SLC12A9: variants seen among roughly 807,000 people sequenced by gnomAD.
The protein encoded by SLC12A9 is solute carrier family 12 member 9.
A neutral mutation model predicts 66.0 loss-of-function variants in SLC12A9; 55 were observed. The observed-to-expected ratio is 0.83, with a 90% confidence interval of 0.67 to 1.04. The LOEUF (loss-of-function observed/expected upper bound fraction) is 1.04. SLC12A9 is among the 50% of genes least tolerant of loss of function. SLC12A9 has a pLI of 0.00. For missense variants in SLC12A9, 1,061 were observed against 1,241.9 expected, an observed-to-expected ratio of 0.85 and a Z score of 2.19; for synonymous variants, 577 against 569.0, an observed-to-expected ratio of 1.01 and a Z score of -0.20.
Position 100,862,828 on chromosome 7 carries a change from G to A in SLC12A9, c.1858+1G>A. ...CATCTGCTGCGAATCTCCGGCCTCG[G>A]TGAGCTGCTTCTCCCTGGATGCCCT... On this transcript the variant is annotated splice_donor_variant, in intron 13 of 13. Transcript: ENST00000354161. LOFTEE classifies it high-confidence loss of function. 6.2e-7 allele frequency: 1 copy of A among 1,614,022 alleles called. No homozygotes were observed. Among genetic ancestry groups the A allele is most frequent in the Non-Finnish European group, 8.5e-7 (1 of 1,180,020 alleles).
intron 1 of SLC12A9, among the ~76,000 whole-genome samples, chr7:100,835,036 C>CA (rs902417082): frequency 4.6e-5 from 7 of 151,498 alleles, no homozygotes; most frequent in African/African-American, 7.3e-5. Context: ...CCCGTTTCAA[C>CA]AAAAAAAATT....
upstream of SLC12A9, among the ~76,000 whole-genome samples, chr7:100,848,499 A>AAAAT (rs56099726): frequency 0.28 from 40,851 of 145,508 alleles, 6,189 homozygotes; most frequent in East Asian, 0.49. Flanking sequence ...CCAAGTCTCA[A>AAAAT]AAATAAATAA....
intron 1 of SLC12A9, among the ~76,000 whole-genome samples, chr7:100,845,066 C>T (rs1275936206): frequency 6.6e-6 from 1 of 151,952 alleles, no homozygotes; most frequent in Non-Finnish European, 1.5e-5. Context: ...TCACCCTGAT[C>T]ACTTCTAGGT....
At chr7:100,830,176 A>AC (rs1192935083) in intron 1 of SLC12A9, among the ~76,000 whole-genome samples, 2 of 152,088 alleles carry the variant, frequency 1.3e-5, no homozygotes, top group East Asian at 1.9e-4. Flanking sequence ...ACATAGTGAA[A>AC]CCCCTTCTCT....
rs1205425318 is a variant in SLC12A9 at position 100,854,186 on chromosome 7, C to G, written c.-12C>G. 3 of 1,551,110 alleles carry G rather than the reference C, an allele frequency of 1.9e-6. No individual in the cohort carries two copies. The highest frequency in any genetic ancestry group is 2.6e-6 in the Non-Finnish European group (3 of 1,159,724). ...CTAACCCATTTGTGGCTTCCTCTAC[C>G]TGTGCTCAGCCATGGCCAGCGAGAG... On this transcript the variant is annotated 5_prime_UTR_variant, in exon 2 of 14. Transcript: ENST00000354161.
In SLC12A9 at chr7:100,861,179, G is replaced by A; in HGVS notation, c.1260G>A (p.Val420=). 6.2e-7 allele frequency: 1 copy of A among 1,614,218 alleles called. No individual in the cohort carries two copies. The highest frequency in any genetic ancestry group is 1.6e-4 in the Middle Eastern group (1 of 6,062). ...GGAAGCTGAACACACTGGCTGCTGT[G>A]GTCACTGTCTTCTACCTGGTGGCCT... ...LAGKLNTLAA[V]VTVFYLVAYA... is the part of the protein sequence containing the mutation. The change falls in exon 10 of 14, where the codon GTG becomes GTA. Residue 420 remains valine, a synonymous_variant. Transcript: ENST00000354161. This position sits in a 1 kb window ranked among gnomAD's most constrained non-coding sequence, Gnocchi z 5.3.
At chr7:100,859,772 G>A in intron 7 of SLC12A9, 113 bp from the exon 8 acceptor site, 3 of 1,282,098 alleles carry the variant, frequency 2.3e-6, no homozygotes, top group Non-Finnish European at 3.2e-6. Flanking sequence ...ATGAATACCA[G>A]GCATATCCCT....
chr7:100,860,992 G>A, intron 9 of SLC12A9, 146 bp from the exon 10 acceptor site: 1 of 1,422,392 alleles, frequency 7.0e-7, no homozygotes, highest in Non-Finnish European at 9.8e-7. Context: ...ACACTTTGGG[G>A]GTGCACTGGC....
chr7:100,863,047 T>G (rs1337082363), intron 13 of SLC12A9, among the ~76,000 whole-genome samples: 3 of 148,980 alleles, frequency 2.0e-5, no homozygotes, highest in African/African-American at 5.1e-5. Context: ...ATGTTGTGGG[T>G]TTTTTTTCCT....
chr7:100,849,701 C>T (rs115289786), upstream of SLC12A9, among the ~76,000 whole-genome samples: 2,320 of 149,766 alleles, frequency 0.015, 65 homozygotes, highest in African/African-American at 0.054. Context: ...GGGCAACAGA[C>T]GGAGACTCTG....
intron 1 of SLC12A9, among the ~76,000 whole-genome samples, chr7:100,846,289 G>A (rs7384254): frequency 0.02 from 3,027 of 152,270 alleles, 318 homozygotes; most frequent in Admixed American, 0.17. Flanking sequence ...ATTGCAGGCC[G>A]GGCGCGGTGG....
At chr7:100,844,914 T>C (rs1252168371) in intron 1 of SLC12A9, among the ~76,000 whole-genome samples, 1 of 152,104 alleles carries the variant, frequency 6.6e-6, no homozygotes, top group East Asian at 1.9e-4. Flanking sequence ...TTTTTGCAAT[T>C]AGCCGAGCGT....
Position 100,832,018 on chromosome 7 carries a change from T to C in SLC12A9, n.228+4971T>C, listed in dbSNP as rs182956214. On this transcript the variant is annotated intron_variant and non_coding_transcript_variant, in intron 1 of 1. Transcript: ENST00000461016. ...AGGAATTTGATAGAGTTTTCAACAT[T>C]ACCAATAGAGTTGTAAAGCTCAAAT... is the stretch of plus-strand genomic sequence containing the variant. 2.4e-4 allele frequency among the ~76,000 whole-genome samples: 37 copies of C among 152,344 alleles called. No individual in the cohort carries two copies. The East Asian group carries it at 5.2e-3, about 21-fold the overall frequency.
chr7:100,857,150 G>C lies in SLC12A9; in HGVS notation c.731G>C (p.Ser244Thr), dbSNP rs1814446669. The C allele has an allele frequency of 6.2e-7, 1 of 1,613,540 alleles. No homozygotes were observed. Among genetic ancestry groups the C allele is most frequent in the South Asian group, 1.1e-5 (1 of 91,062 alleles). The change falls in exon 5 of 14, where the codon AGC becomes ACC. Residue 244 changes from serine to threonine, a missense_variant. By Grantham distance (58) the Ser-to-Thr change is moderately conservative. Transcript: ENST00000354161. ...PRFGHFTGFN[S>T]STLKDNLGAG... is the part of the protein sequence containing the mutation. ...TTTGGCCACTTCACCGGCTTCAACA[G>C]CAGTACCCTGAAGGACAACTTGGGC...
At chr7:100,854,533 A>G in intron 2 of SLC12A9, 87 bp from the exon 3 acceptor site, 1 of 1,599,576 alleles carries the variant, frequency 6.3e-7, no homozygotes. Flanking sequence ...GCTTGCATTT[A>G]GCTCCACCCT....
At chr7:100,841,379 G>T (rs1813788181) in intron 1 of SLC12A9, among the ~76,000 whole-genome samples, 1 of 150,944 alleles carries the variant, frequency 6.6e-6, no homozygotes, top group African/African-American at 2.4e-5. Context: ...CCTTTGGTAA[G>T]GAGGCATAAG....
chr7:100,842,978 C>T (rs1423791167), intron 1 of SLC12A9, among the ~76,000 whole-genome samples: 2 of 152,266 alleles, frequency 1.3e-5, no homozygotes, highest in African/African-American at 4.8e-5. Flanking sequence ...CACTTCGTAT[C>T]TCTCACTACA....
chr7:100,837,105 C>T (rs1813676487), intron 1 of SLC12A9, among the ~76,000 whole-genome samples: 1 of 152,124 alleles, frequency 6.6e-6, no homozygotes, highest in Admixed American at 6.6e-5. Flanking sequence ...TCCTCTATAT[C>T]TATACACCAT....
At chr7:100,836,034 A>T (rs1204923824) in intron 1 of SLC12A9, among the ~76,000 whole-genome samples, 1 of 151,882 alleles carries the variant, frequency 6.6e-6, no homozygotes, top group Non-Finnish European at 1.5e-5. Context: ...CAGCAGGGGG[A>T]AGTCTTTTGT....
Sources: gnomAD v4.1 joint callset for allele counts (sites outside exome capture counted in the v4.1 genomes callset) on GRCh38, gnomAD v4.1.1 for gene constraint, Gnocchi (gnomAD v3.1) non-coding constraint, MANE v1.5 for transcripts, NCBI Gene and HGNC (gene_info 2026-07-23, HGNC 2026-07-21) for gene names.